Variants in NSUN6 observed in about 807,000 individuals in gnomAD.
The protein encoded by NSUN6 is NOP2/Sun RNA methyltransferase 6.
Under a neutral mutation model 58.0 loss-of-function variants are expected in NSUN6, and 64 were observed. The ratio of observed to expected loss-of-function variants is 1.10; its 90% CI spans 0.90 to 1.36. The LOEUF is 1.36. Ranked by LOEUF, NSUN6 falls within the 40% of genes most tolerant of loss-of-function variation. The pLI, the probability that NSUN6 is intolerant of heterozygous loss-of-function variation, is 0.00. For synonymous variants in NSUN6, 231 were observed against 193.9 expected (o/e 1.19, Z -1.59); for missense variants, 701 against 550.1 (o/e 1.27, Z -2.74).
At chr10:18,622,809 G>C (rs1370324163) in intron 3 of NSUN6, among the ~76,000 whole-genome samples, 5 of 152,222 alleles carry the variant, frequency 3.3e-5, no homozygotes, top group Non-Finnish European at 4.4e-5. Flanking sequence ...ATATTCAATT[G>C]TGAAAGAAAG....
intron 7 of NSUN6, among the ~76,000 whole-genome samples, chr10:18,588,958 T>C (rs2057276875): frequency 6.6e-6 from 1 of 152,080 alleles, no homozygotes; most frequent in Non-Finnish European, 1.5e-5. Context: ...AGGTGGGTAA[T>C]AACAAACTCC....
chr10:18,550,776 G>C (rs866278852), intron 9 of NSUN6, among the ~76,000 whole-genome samples: 2 of 149,760 alleles, frequency 1.3e-5, no homozygotes, highest in Admixed American at 1.3e-4. Flanking sequence ...CCAGGCTGGA[G>C]TGCAGTGGCA....
chr10:18,650,545 G>A (rs2059673279), intron 1 of NSUN6, among the ~76,000 whole-genome samples: 1 of 152,094 alleles, frequency 6.6e-6, no homozygotes, highest in Non-Finnish European at 1.5e-5. Context: ...TCATGTGCCT[G>A]AGATTCAAAA....
chr10:18,552,845 C>T (rs535658489), intron 8 of NSUN6, among the ~76,000 whole-genome samples: 1 of 151,750 alleles, frequency 6.6e-6, no homozygotes, highest in African/African-American at 2.4e-5. Context: ...TTCCATTCTA[C>T]ACTACACTGC....
intron 3 of NSUN6, among the ~76,000 whole-genome samples, chr10:18,627,294 A>AT (rs2058845140): frequency 1.3e-5 from 2 of 152,226 alleles, no homozygotes; most frequent in Non-Finnish European, 2.9e-5. Context: ...AGTTTAACTG[A>AT]TTCATTTGTA....
chr10:18,593,189 A>G (rs994326764), intron 7 of NSUN6, among the ~76,000 whole-genome samples: 1 of 152,184 alleles, frequency 6.6e-6, no homozygotes, highest in Non-Finnish European at 1.5e-5. Flanking sequence ...TGGCGATTAA[A>G]AAGTCAGGAA....
intron 8 of NSUN6, among the ~76,000 whole-genome samples, chr10:18,553,151 TTCCATTCCATTC>T (rs958736681): frequency 1.3e-5 from 2 of 151,660 alleles, no homozygotes; most frequent in African/African-American, 2.4e-5. Flanking sequence ...CTCCCTTCCC[TTCCATTCCATTC>T]TCCATTCCAT....
At chr10:18,613,909 A>C (rs190813990) in intron 5 of NSUN6, among the ~76,000 whole-genome samples, 2 of 152,270 alleles carry the variant, frequency 1.3e-5, no homozygotes, top group African/African-American at 4.8e-5. Context: ...GTAAAATAAG[A>C]GCCTGGATTT....
chr10:18,581,885 T>C (rs1397300939), intron 8 of NSUN6, among the ~76,000 whole-genome samples: 1 of 152,134 alleles, frequency 6.6e-6, no homozygotes, highest in African/African-American at 2.4e-5. Flanking sequence ...AGTCATTCTT[T>C]TATTCCTCTA....
At chr10:18,547,922 G>T (rs1355995918) in intron 10 of NSUN6, among the ~76,000 whole-genome samples, 190 bp downstream of exon 10, 1 of 152,158 alleles carries the variant, frequency 6.6e-6, no homozygotes, top group Non-Finnish European at 1.5e-5. Context: ...GAACAAAGAT[G>T]AGAAAAAACT....
At chr10:18,602,456 G>C (rs954116738) in intron 6 of NSUN6, among the ~76,000 whole-genome samples, 3 of 152,038 alleles carry the variant, frequency 2.0e-5, no homozygotes, top group Non-Finnish European at 2.9e-5. Context: ...GGATGGTCTC[G>C]ATCTCCTGAA....
chr10:18,609,667 A>C (rs2058163215), intron 6 of NSUN6, among the ~76,000 whole-genome samples, 178 bp downstream of exon 6: 1 of 152,168 alleles, frequency 6.6e-6, no homozygotes, highest in African/African-American at 2.4e-5. Context: ...ATCAAATGAG[A>C]AAAAGAAAAG....
intron 5 of NSUN6, among the ~76,000 whole-genome samples, chr10:18,611,027 C>T (rs1036956561): frequency 5.9e-5 from 9 of 151,848 alleles, no homozygotes; most frequent in African/African-American, 1.9e-4. Flanking sequence ...AACATCTCTA[C>T]ATAAAATTTA....
rs772460111 is a variant in NSUN6 at position 18,616,275 on chromosome 10, T to C, written c.330A>G (p.Gln110=). Residue 110 remains glutamine (Q), a synonymous_variant, in exon 4 of 11, where the codon CAA becomes CAG. Coordinates refer to ENST00000377304, the MANE Select transcript of NSUN6 (RefSeq NM_182543.5). ...VIGPRKNIKK[Q]QCEAIVGAQC... is the part of the protein sequence containing the mutation. Reference sequence around the variant, plus strand: ...GGGCTCCAACAATGGCTTCACACTGTTGTTTTTTAATATTCTTTCTAGAAA... The same window carrying C: ...GGGCTCCAACAATGGCTTCACACTGCTGTTTTTTAATATTCTTTCTAGAAA... The C allele has an allele frequency of 3.1e-6, 5 of 1,607,338 alleles. No homozygotes were observed. The South Asian group carries it at 3.3e-5, about 11-fold the overall frequency.
In NSUN6 at chr10:18,651,003, C is replaced by T. The variant is rs948741105; in HGVS notation, c.75+126G>A. On this transcript the variant is annotated intron_variant, in intron 1 of 10. Transcript: ENST00000377304. ...GTAGAAACATATTGGTATTTTTACA[C>T]TTGATAGACAAGTAGTAAGGAACGA... 2.7e-5 allele frequency: 29 copies of T among 1,084,916 alleles called. 1 individual carries two copies. The Admixed American group carries it at 7.9e-4, about 30-fold the overall frequency. 67.2% of individuals were successfully genotyped at this position (1,084,916 alleles called of 1,614,324 possible).
rs201442645 is a variant in NSUN6, at chr10:18,638,845, AAAGAT to A, written c.311+3626_311+3630del. 9.3e-3 allele frequency among the ~76,000 whole-genome samples: 1,418 copies of A among 152,050 alleles called. 19 individuals are homozygous for A. The highest frequency in any genetic ancestry group is 0.032 in the African/African-American group (1,326 of 41,450). On this transcript the variant is annotated intron_variant, in intron 3 of 10. Transcript: ENST00000377304. ...TGTACTCACCAACAACGACATTAAT[AAAGAT>A]AAGAAATGAGAAACTGTGCCATAAG... is the stretch of plus-strand genomic sequence containing the variant.
In NSUN6 at chr10:18,596,300, C is replaced by A. The variant is rs772126539; in HGVS notation, c.685G>T (p.Val229Leu). 13 of 1,590,072 alleles carry A rather than the reference C, an allele frequency of 8.2e-6. No homozygotes were observed. The South Asian group carries it at 1.4e-4, about 18-fold the overall frequency. Residue 229 changes from valine (V) to leucine (L), a missense_variant, in exon 7 of 11, where the codon GTA becomes TTA. Transcript: ENST00000377304. The part of the protein sequence containing the change: ...QNLPSALVSH[V>L]LNPQPGEKIL... The stretch of plus-strand genomic sequence containing the variant: ...TTCTCTCCAGGTTGAGGATTTAGTA[C>A]ATGACTTACTAAGGCAGATGGCAAA...
chr10:18,610,316 C>G (rs1165739307), intron 5 of NSUN6, among the ~76,000 whole-genome samples: 1 of 152,054 alleles, frequency 6.6e-6, no homozygotes, highest in East Asian at 1.9e-4. Context: ...CCATTGCACT[C>G]CAGCCTGGGC....
At chr10:18,600,187 AAC>A (rs1302641604) in intron 6 of NSUN6, among the ~76,000 whole-genome samples, 1 of 152,152 alleles carries the variant, frequency 6.6e-6, no homozygotes, top group African/African-American at 2.4e-5. Context: ...TTGGGGGGAT[AAC>A]AGTTTTCCAG....
Sources: gnomAD v4.1 joint callset for allele counts (sites outside exome capture counted in the v4.1 genomes callset) on GRCh38, gnomAD v4.1.1 for gene constraint, MANE v1.5 for transcripts, NCBI Gene and HGNC (gene_info 2026-07-23, HGNC 2026-07-21) for gene names.